KATNAL2: variants seen among roughly 807,000 people sequenced by gnomAD.
KATNAL2 encodes katanin p60 ATPase-containing subunit A-like 2.
In KATNAL2, 52 loss-of-function variants were observed where a neutral mutation model predicts 76.3. That is an observed-to-expected ratio of 0.68 (90% confidence interval 0.55 to 0.86). KATNAL2 has a LOEUF of 0.86. Among genes scored for constraint, KATNAL2 ranks in the 40% least tolerant of loss-of-function variants. The pLI is 0.00. For missense variants in KATNAL2, 660 were observed against 668.9 expected, an observed-to-expected ratio of 0.99 and a Z score of 0.15; for synonymous variants, 243 against 244.2, an observed-to-expected ratio of 1.00 and a Z score of 0.05.
intron 3 of KATNAL2, among the ~76,000 whole-genome samples, chr18:46,951,738 C>T (rs1300906193): frequency 6.6e-6 from 1 of 152,098 alleles, no homozygotes; most frequent in Non-Finnish European, 1.5e-5. Context: ...TAGGTTGGGA[C>T]TGATTTCATC....
chr18:46,935,253 C>T (rs8096263), intron 1 of KATNAL2, among the ~76,000 whole-genome samples: 67,890 of 151,888 alleles, frequency 0.45, 15,266 homozygotes, highest in Middle Eastern at 0.52. Flanking sequence ...TAATTACTAA[C>T]CAGAACACAT....
At chr18:47,075,772 G>A (rs1449354722) in intron 14 of KATNAL2, among the ~76,000 whole-genome samples, 1 of 152,212 alleles carries the variant, frequency 6.6e-6, no homozygotes, top group East Asian at 1.9e-4. Context: ...GGCCACGTCT[G>A]TACTTCACTC....
intron 1 of KATNAL2, among the ~76,000 whole-genome samples, chr18:46,928,674 G>A (rs1330809543): frequency 1.3e-5 from 2 of 152,120 alleles, no homozygotes; most frequent in Non-Finnish European, 2.9e-5. Flanking sequence ...GTGGACCGGA[G>A]CTGTTCCTAT....
At chr18:47,061,074 T>C (rs1166955175) in intron 8 of KATNAL2, among the ~76,000 whole-genome samples, 1 of 152,228 alleles carries the variant, frequency 6.6e-6, no homozygotes, top group Non-Finnish European at 1.5e-5. Context: ...TGTAGATGGC[T>C]TTCTCCCTAG....
intron 1 of KATNAL2, among the ~76,000 whole-genome samples, chr18:46,924,584 TTAAAG>T (rs2058671654): frequency 6.6e-6 from 1 of 152,184 alleles, no homozygotes; most frequent in Non-Finnish European, 1.5e-5. Flanking sequence ...CATATGAACT[TTAAAG>T]TAGTTTTTTT....
At chr18:46,940,556 G>A (rs921419539) in intron 1 of KATNAL2, among the ~76,000 whole-genome samples, 3 of 152,112 alleles carry the variant, frequency 2.0e-5, no homozygotes, top group Non-Finnish European at 4.4e-5. Flanking sequence ...CTGTCACAAG[G>A]TTTGCAGTTA....
At chr18:46,944,911 A>T (rs2059343952) in intron 1 of KATNAL2, among the ~76,000 whole-genome samples, 1 of 152,184 alleles carries the variant, frequency 6.6e-6, no homozygotes, top group Non-Finnish European at 1.5e-5. Flanking sequence ...TGGGCAACAG[A>T]GCAAGACTCT....
At chr18:46,960,910 G>C (rs1181467395) in intron 3 of KATNAL2, among the ~76,000 whole-genome samples, 2 of 152,202 alleles carry the variant, frequency 1.3e-5, no homozygotes, top group Admixed American at 1.3e-4. Flanking sequence ...ATTTGGCTGG[G>C]AGTGTCAGCA....
chr18:47,044,969 G>T (rs1369742623), intron 3 of KATNAL2, among the ~76,000 whole-genome samples: 1 of 151,916 alleles, frequency 6.6e-6, no homozygotes, highest in Non-Finnish European at 1.5e-5. Context: ...GTGGTAGTGT[G>T]CACCTGTAGT....
At chr18:47,076,003 GT>G (rs1368153328) in intron 14 of KATNAL2, 1 of 152,048 alleles carries the variant, frequency 6.6e-6, no homozygotes, top group Non-Finnish European at 1.5e-5. Context: ...TTGTTCGTTC[GT>G]TTTTAAGATC....
chr18:46,957,974 G>A (rs1239024963), intron 3 of KATNAL2, among the ~76,000 whole-genome samples: 1 of 152,174 alleles, frequency 6.6e-6, no homozygotes, highest in Non-Finnish European at 1.5e-5. Context: ...GGGATTACAG[G>A]TGTGAGCCAC....
At chr18:46,933,631 CT>C (rs1202003670) in intron 1 of KATNAL2, among the ~76,000 whole-genome samples, 2 of 151,862 alleles carry the variant, frequency 1.3e-5, no homozygotes, top group Admixed American at 6.6e-5. Flanking sequence ...GTCAAAATAT[CT>C]TTTTTTAAAA....
At chr18:47,032,696 A>G (rs564485503) in intron 3 of KATNAL2, 6 of 449,096 alleles carry the variant, frequency 1.3e-5, no homozygotes, top group African/African-American at 1.2e-4. Flanking sequence ...GAAATCTCAC[A>G]TCTTTTTCCT....
chr18:47,047,742 G>A (rs1057401745), intron 4 of KATNAL2, among the ~76,000 whole-genome samples: 5 of 151,700 alleles, frequency 3.3e-5, no homozygotes, highest in African/African-American at 1.2e-4. Flanking sequence ...TGTAACAGAT[G>A]GGGGTCTCAC....
At chr18:47,059,503 G>A in intron 7 of KATNAL2, 53 bp from the exon 8 acceptor site, 10 of 1,274,910 alleles carry the variant, frequency 7.8e-6, no homozygotes, top group Non-Finnish European at 1.1e-5. Flanking sequence ...GGTACATCCA[G>A]CAACTCTCCA....
intron 3 of KATNAL2, among the ~76,000 whole-genome samples, chr18:47,037,426 T>G (rs934316092): frequency 6.6e-6 from 1 of 152,244 alleles, no homozygotes; most frequent in Admixed American, 6.5e-5. Context: ...CTTCTGGGCC[T>G]CCTTTCTTTG....
Position 46,946,888 on chromosome 18 carries a change from C to A in KATNAL2, c.16C>A (p.Gln6Lys), listed in dbSNP as rs1397054501. The A allele has an allele frequency of 3.3e-6, 5 of 1,535,858 alleles. No homozygotes were observed. In the East Asian group the frequency reaches 1.2e-4, roughly 38 times the overall value. The change falls in exon 3 of 18, where the codon CAG becomes AAG. Residue 6 changes from glutamine to lysine, a missense_variant. Physicochemically the swap from Gln to Lys is moderately conservative, Grantham distance 53. Coordinates refer to ENST00000683218, the MANE Select transcript of KATNAL2 (RefSeq NM_001387690.1). MELSY[Q>K]TLKFTHQARE... ...ACAGTGTCTGATGGAGCTTTCCTAC[C>A]AGACCCTGAAATTCACGCATCAGGC... is the stretch of plus-strand genomic sequence containing the variant.
intron 3 of KATNAL2, chr18:47,034,275 G>T (rs775710661): frequency 6.2e-7 from 1 of 1,613,764 alleles, no homozygotes; most frequent in South Asian, 1.1e-5. Flanking sequence ...GCGACAGGCC[G>T]TGTGTCCCAT....
intron 15 of KATNAL2, among the ~76,000 whole-genome samples, chr18:47,081,445 A>G (rs1323049794): frequency 6.6e-6 from 1 of 152,172 alleles, no homozygotes; most frequent in East Asian, 1.9e-4. Flanking sequence ...TTAGTGTGAT[A>G]TTGTAGTTTC....
Sources: allele counts gnomAD v4.1 joint callset (sites outside exome capture counted in the v4.1 genomes callset), GRCh38; gene constraint gnomAD v4.1.1; transcripts MANE v1.5; gene names NCBI Gene and HGNC (gene_info 2026-07-23, HGNC 2026-07-21).